The following MAP4K3 variants were observed in gnomAD, a reference collection of about 807,000 sequenced individuals.
MAP4K3 encodes the protein mitogen-activated protein kinase kinase kinase kinase 3.
MAP4K3 carries 94 observed loss-of-function variants against 143.5 expected under a neutral mutation model. The observed-to-expected ratio is 0.65, with a 90% CI of 0.55 to 0.78. The LOEUF is 0.78. Ranked by LOEUF, MAP4K3 falls within the 30% of genes least tolerant of loss-of-function variation. The pLI is 0.00. For synonymous variants in MAP4K3, 416 were observed against 347.2 expected (o/e 1.20, Z -2.20); for missense variants, 1,077 against 1,068.1 (o/e 1.01, Z -0.12).
chr2:39,374,690 A>C (rs1666172362), intron 2 of MAP4K3, among the ~76,000 whole-genome samples: 1 of 152,138 alleles, frequency 6.6e-6, no homozygotes, highest in Non-Finnish European at 1.5e-5. Flanking sequence ...ACAAATTAAA[A>C]AAAAATTAAA....
intron 2 of MAP4K3, among the ~76,000 whole-genome samples, chr2:39,360,741 G>A (rs1665745525): frequency 6.6e-6 from 1 of 152,156 alleles, no homozygotes; most frequent in South Asian, 2.1e-4. Context: ...GGTGGAAGAA[G>A]TATGGGCAAA....
chr2:39,306,206 G>A (rs892925606), intron 15 of MAP4K3, among the ~76,000 whole-genome samples: 12 of 152,140 alleles, frequency 7.9e-5, no homozygotes, highest in Non-Finnish European at 1.8e-4. Flanking sequence ...ATAAATACTA[G>A]AGTCAATTTA....
At chr2:39,399,719 C>T (rs1295193332) in intron 1 of MAP4K3, among the ~76,000 whole-genome samples, 1 of 152,206 alleles carries the variant, frequency 6.6e-6, no homozygotes, top group African/African-American at 2.4e-5. Flanking sequence ...ATCTAAGTCA[C>T]AGCCATATCA....
At position 39,282,514 on chromosome 2, in the gene MAP4K3, T is replaced by C. The variant is rs746352110; in HGVS notation, c.1628A>G (p.His543Arg). 5 of 1,610,618 alleles carry C rather than the reference T, an allele frequency of 3.1e-6. No individual in the cohort carries two copies. Among genetic ancestry groups the C allele is most frequent in the African/African-American group, 1.3e-5 (1 of 74,852 alleles). The change falls in exon 22 of 34, where the codon CAT (histidine) becomes CGT (arginine). Residue 543 changes from histidine (H) to arginine (R), a missense_variant and splice_region_variant. Transcript: ENST00000263881. ...GCCTACTCCATATTTAGTACTTACA[T>C]GCACTTTAGGTGTTGGAGGAAGACC... The part of the protein sequence containing the change: ...SNGLPPTPKV[H>R]MGACFSKVFN...
chr2:39,309,548 A>AAT (rs759827270), intron 13 of MAP4K3, 29 bp from the exon 14 acceptor site: 5 of 339,384 alleles, frequency 1.5e-5, no homozygotes, highest in Non-Finnish European at 2.4e-5. Flanking sequence ...TAAAACCAGG[A>AAT]TTTTTTTTTT....
At position 39,293,233 on chromosome 2, in the gene MAP4K3, TG is replaced by T; in HGVS notation, c.1213del (p.Gln405SerfsTer8). 6.5e-7 allele frequency: 1 copy of T among 1,549,366 alleles called. No homozygotes were observed. Among genetic ancestry groups the T allele is most frequent in the Non-Finnish European group, 8.7e-7 (1 of 1,144,218 alleles). On this transcript the variant is annotated frameshift_variant, in exon 17 of 34. Transcript: ENST00000263881. LOFTEE classifies it high-confidence loss of function. The stretch of plus-strand genomic sequence containing the variant: ...TAAGATTAAAAATTAAAATTACCGC[TG>T]ATGCAATTCTTCTTCAACAGACTTG... ...LLKSVEEELHQRGHVAHLEDD... is the reference protein window; with the variant it reads ...LLKSVEEELHXRGHVAHLEDD...
chr2:39,325,865 T>G (rs368000596), intron 10 of MAP4K3, 34 bp downstream of exon 10: 9 of 1,561,150 alleles, frequency 5.8e-6, no homozygotes, highest in Non-Finnish European at 7.9e-6. Context: ...TTTGCTCATC[T>G]CACCATAAAA....
chr2:39,307,272 A>G (rs945040034), intron 15 of MAP4K3, among the ~76,000 whole-genome samples: 1 of 152,144 alleles, frequency 6.6e-6, no homozygotes, highest in Non-Finnish European at 1.5e-5. Flanking sequence ...CAACTATTAA[A>G]AGTATTATTT....
At chr2:39,389,968 T>C (rs902260564) in intron 1 of MAP4K3, among the ~76,000 whole-genome samples, 1 of 152,180 alleles carries the variant, frequency 6.6e-6, no homozygotes, top group Admixed American at 6.5e-5. Context: ...TACAATTAAA[T>C]TGCTCTGAAG....
intron 1 of MAP4K3, among the ~76,000 whole-genome samples, chr2:39,393,426 C>G (rs1248435188): frequency 6.6e-6 from 1 of 152,188 alleles, no homozygotes; most frequent in Non-Finnish European, 1.5e-5. Context: ...AGTCATAAAA[C>G]TTAGAACCTA....
chr2:39,267,571 G>C (rs1018332337), intron 26 of MAP4K3: 1 of 233,404 alleles, frequency 4.3e-6, no homozygotes, highest in Non-Finnish European at 8.7e-6. Context: ...TACTCAGGAG[G>C]CTGAGGCAGG....
Position 39,292,773 on chromosome 2 carries a change from T to A in MAP4K3, c.1271A>T (p.His424Leu). The A allele has an allele frequency of 1.2e-6, 2 of 1,612,732 alleles. No individual in the cohort carries two copies. The highest frequency in any genetic ancestry group is 1.1e-5 in the South Asian group (1 of 91,028). ...DDEGDDDESKHSTLKAKIPPP... is the reference protein window; with the variant it reads ...DDEGDDDESKLSTLKAKIPPP... ...TACCAAAAACAGAGACAGAACTTAC[T>A]GTTTAGATTCATCATCATCTCCTTC... is the stretch of plus-strand genomic sequence containing the variant. The change falls in exon 18 of 34, where the codon CAC becomes CTC. Residue 424 changes from histidine to leucine, a missense_variant and splice_region_variant. Coordinates refer to ENST00000263881, the MANE Select transcript of MAP4K3 (RefSeq NM_003618.4).
intron 2 of MAP4K3, among the ~76,000 whole-genome samples, chr2:39,366,884 C>T (rs760235552): frequency 6.6e-6 from 1 of 152,182 alleles, no homozygotes; most frequent in Non-Finnish European, 1.5e-5. Context: ...TCTAAAACCA[C>T]AGAAGCAGCA....
chr2:39,395,328 T>TACACACACACAC (rs10549757), intron 1 of MAP4K3, among the ~76,000 whole-genome samples: 1 of 149,694 alleles, frequency 6.7e-6, no homozygotes, highest in Admixed American at 6.7e-5. Context: ...CACGTACACA[T>TACACACACACAC]ACACACACAC....
chr2:39,399,113 T>C (rs1666887643), intron 1 of MAP4K3, among the ~76,000 whole-genome samples: 1 of 151,568 alleles, frequency 6.6e-6, no homozygotes, highest in Non-Finnish European at 1.5e-5. Flanking sequence ...CTTATCAACC[T>C]GCTCACACGA....
chr2:39,307,045 A>G (rs1337323291), intron 15 of MAP4K3, among the ~76,000 whole-genome samples: 1 of 152,236 alleles, frequency 6.6e-6, no homozygotes, highest in Non-Finnish European at 1.5e-5. Context: ...AATCTCTTTT[A>G]TATTTTACAA....
At chr2:39,337,707 G>T in intron 4 of MAP4K3, 126 bp from the exon 5 acceptor site, 1 of 469,524 alleles carries the variant, frequency 2.1e-6, no homozygotes, top group Middle Eastern at 6.7e-4. Context: ...ATGTAAGCTA[G>T]GACTACAGGC....
At chr2:39,369,194 T>TTTTTTTGTTTGTTTG (rs1491348706) in intron 2 of MAP4K3, among the ~76,000 whole-genome samples, 12 of 71,180 alleles carry the variant, frequency 1.7e-4, no homozygotes, top group African/African-American at 7.2e-4. Context: ...TTTGGGCTAG[T>TTTTTTTGTTTGTTTG]TTTTTTTTTT....
At chr2:39,281,760 T>C (rs1174335977) in intron 22 of MAP4K3, among the ~76,000 whole-genome samples, 1 of 151,112 alleles carries the variant, frequency 6.6e-6, no homozygotes, top group Non-Finnish European at 1.5e-5. Context: ...TAATATAAAG[T>C]ATACTGTATA....
Sources: allele counts gnomAD v4.1 joint callset (sites outside exome capture counted in the v4.1 genomes callset), GRCh38; gene constraint gnomAD v4.1.1; transcripts MANE v1.5; gene names NCBI Gene and HGNC (gene_info 2026-07-23, HGNC 2026-07-21).